Variants in MND1 observed in about 807,000 individuals in gnomAD.
The protein encoded by MND1 is meiotic nuclear divisions 1.
In MND1, 28 loss-of-function variants were observed where a neutral mutation model predicts 35.1. The observed-to-expected ratio is 0.80, with a 90% CI of 0.59 to 1.09. MND1 has a LOEUF of 1.09. Ranked by LOEUF, MND1 falls within the 50% of genes least tolerant of loss-of-function variation. The pLI is 0.00. For synonymous variants in MND1, 69 were observed against 70.5 expected, an observed-to-expected ratio of 0.98 and a Z score of 0.11; for missense variants, 213 against 239.6, an observed-to-expected ratio of 0.89 and a Z score of 0.73.
chr4:153,355,396 A>C (rs904331190), intron 2 of MND1, among the ~76,000 whole-genome samples: 1 of 152,168 alleles, frequency 6.6e-6, no homozygotes, highest in African/African-American at 2.4e-5. Context: ...ATAGTTAATA[A>C]TATATTGTAT....
At chr4:153,345,711 A>T (rs939574903) in intron 1 of MND1, among the ~76,000 whole-genome samples, 4 of 152,246 alleles carry the variant, frequency 2.6e-5, no homozygotes, top group African/African-American at 9.6e-5. Flanking sequence ...ACCAGGATCC[A>T]GTTGTATGGT....
chr4:153,383,007 A>C (rs1455812398), intron 4 of MND1, among the ~76,000 whole-genome samples: 2 of 152,234 alleles, frequency 1.3e-5, no homozygotes, highest in Non-Finnish European at 2.9e-5. Context: ...GGAAAAAAGC[A>C]ATTCCATATG....
intron 6 of MND1, among the ~76,000 whole-genome samples, chr4:153,398,201 A>T (rs1157823392): frequency 6.6e-6 from 1 of 152,184 alleles, no homozygotes; most frequent in Non-Finnish European, 1.5e-5. Context: ...TAAGGAGATA[A>T]AAGAGTGTAT....
intron 4 of MND1, chr4:153,381,697 T>TATAATATAATATATATATATAA (rs1728709098): frequency 2.2e-5 from 1 of 46,488 alleles, no homozygotes; most frequent in Non-Finnish European, 3.5e-5. Flanking sequence ...TATATATTTT[T>TATAATATAATATATATATATAA]TTTTTTTTTT....
chr4:153,375,494 A>T (rs1267741647), intron 4 of MND1, among the ~76,000 whole-genome samples: 1 of 152,118 alleles, frequency 6.6e-6, no homozygotes, highest in Non-Finnish European at 1.5e-5. Context: ...AAAGCTTTAA[A>T]GCAGATTACA....
chr4:153,394,201 C>T (rs1208662633), intron 4 of MND1, 61 bp from the exon 5 acceptor site: 4 of 1,511,332 alleles, frequency 2.6e-6, no homozygotes, highest in Non-Finnish European at 3.6e-6. Context: ...ACTTTGTTTT[C>T]ATCAACTACT....
At chr4:153,383,685 A>G (rs142269790) in intron 4 of MND1, among the ~76,000 whole-genome samples, 18 of 152,280 alleles carry the variant, frequency 1.2e-4, no homozygotes, top group African/African-American at 3.1e-4. Context: ...AGCACTCTCC[A>G]TCATGTCCTT....
intron 6 of MND1, among the ~76,000 whole-genome samples, chr4:153,402,335 T>G (rs1164083772): frequency 6.6e-6 from 1 of 152,178 alleles, no homozygotes; most frequent in Non-Finnish European, 1.5e-5. Context: ...ACTTAAGTAA[T>G]TTTCTTAGAA....
At chr4:153,379,633 C>T (rs369781346) in intron 4 of MND1, among the ~76,000 whole-genome samples, 4 of 151,774 alleles carry the variant, frequency 2.6e-5, no homozygotes, top group African/African-American at 9.7e-5. Flanking sequence ...GGGTGGATCA[C>T]GAGGTCAGGA....
intron 4 of MND1, among the ~76,000 whole-genome samples, chr4:153,366,615 C>A (rs561881722): frequency 5.4e-4 from 83 of 152,336 alleles, no homozygotes; most frequent in African/African-American, 1.9e-3. Flanking sequence ...TGAACCCTGA[C>A]TCTCAAGTTG....
chr4:153,365,987 C>G (rs1773628492), intron 4 of MND1, among the ~76,000 whole-genome samples: 1 of 152,036 alleles, frequency 6.6e-6, no homozygotes, highest in Non-Finnish European at 1.5e-5. Context: ...GCTCTGGAGG[C>G]CAGAAGTTAA....
chr4:153,356,552 CAAAAAAA>C (rs34763120), intron 3 of MND1, among the ~76,000 whole-genome samples: 4 of 60,044 alleles, frequency 6.7e-5, no homozygotes, highest in African/African-American at 2.0e-4. Flanking sequence ...AACTCAGTCT[CAAAAAAA>C]AAAAAAAAAA....
intron 6 of MND1, among the ~76,000 whole-genome samples, chr4:153,404,930 C>T (rs1729453842): frequency 6.6e-6 from 1 of 151,860 alleles, no homozygotes; most frequent in Non-Finnish European, 1.5e-5. Context: ...AGACGGGGTC[C>T]CACTATGTTA....
chr4:153,388,533 G>T (rs1728930654), intron 4 of MND1, among the ~76,000 whole-genome samples: 1 of 152,148 alleles, frequency 6.6e-6, no homozygotes, highest in Non-Finnish European at 1.5e-5. Context: ...ATTATAAGTA[G>T]TTTTTATTGT....
chr4:153,353,148 G>C (rs1355350592), intron 2 of MND1, among the ~76,000 whole-genome samples: 1 of 150,666 alleles, frequency 6.6e-6, no homozygotes, highest in Non-Finnish European at 1.5e-5. Flanking sequence ...TTTATTACAT[G>C]TTCCCTGAGA....
At chr4:153,406,931 C>T (rs745514291) in intron 6 of MND1, among the ~76,000 whole-genome samples, 1 of 152,212 alleles carries the variant, frequency 6.6e-6, no homozygotes, top group Admixed American at 6.5e-5. Context: ...CACATGGTGG[C>T]AGACGAGAAG....
chr4:153,363,883 AAC>A (rs1773559470), intron 4 of MND1, among the ~76,000 whole-genome samples: 1 of 152,292 alleles, frequency 6.6e-6, no homozygotes, highest in East Asian at 1.9e-4. Flanking sequence ...TTGCATGGTT[AAC>A]AAATGAGGAC....
chr4:153,380,796 ATAAAC>A (rs1235611247), intron 4 of MND1, among the ~76,000 whole-genome samples: 5 of 152,236 alleles, frequency 3.3e-5, no homozygotes, highest in African/African-American at 1.2e-4. Flanking sequence ...AATAAGGTAA[ATAAAC>A]TAAGATTTTT....
chr4:153,390,895 G>A (rs897959596), intron 4 of MND1, among the ~76,000 whole-genome samples: 24 of 134,894 alleles, frequency 1.8e-4, no homozygotes, highest in Non-Finnish European at 2.6e-4. Flanking sequence ...ATATATGTGT[G>A]TGTGTGTGTG....
Sources: gnomAD v4.1 joint callset for allele counts (sites outside exome capture counted in the v4.1 genomes callset) on GRCh38, gnomAD v4.1.1 for gene constraint, MANE v1.5 for transcripts, NCBI Gene and HGNC (gene_info 2026-07-23, HGNC 2026-07-21) for gene names.